DOK5: variants seen among roughly 807,000 people sequenced by gnomAD.
The protein encoded by DOK5 is downstream of tyrosine kinase 5.
DOK5 carries 27 observed loss-of-function variants against 43.3 expected under a neutral mutation model. The observed-to-expected ratio is 0.62, with a 90% CI of 0.46 to 0.86. The LOEUF is 0.86. Among genes scored for constraint, DOK5 ranks in the 40% least tolerant of loss-of-function variants. The pLI is 0.00. For synonymous variants in DOK5, 146 were observed against 140.1 expected, an observed-to-expected ratio of 1.04 and a Z score of -0.30; for missense variants, 373 against 392.9, an observed-to-expected ratio of 0.95 and a Z score of 0.43.
At chr20:54,608,836 G>A (rs1323511032) in intron 5 of DOK5, among the ~76,000 whole-genome samples, 5 of 151,794 alleles carry the variant, frequency 3.3e-5, no homozygotes. Flanking sequence ...ACCATGCCTG[G>A]CTAAGTTTTG....
intron 7 of DOK5, among the ~76,000 whole-genome samples, chr20:54,646,397 G>T (rs927310523): frequency 5.9e-5 from 9 of 151,796 alleles, no homozygotes; most frequent in African/African-American, 2.2e-4. Context: ...GGGACTACAG[G>T]TGTGTGCCAC....
intron 2 of DOK5, among the ~76,000 whole-genome samples, chr20:54,576,737 ATGTAC>A (rs1985465418): frequency 6.6e-6 from 1 of 152,210 alleles, no homozygotes. Context: ...ATGGTGCCAT[ATGTAC>A]CCACATAAAA....
intron 5 of DOK5, among the ~76,000 whole-genome samples, chr20:54,602,892 T>C (rs1986340821): frequency 6.6e-6 from 1 of 152,156 alleles, no homozygotes; most frequent in Non-Finnish European, 1.5e-5. Flanking sequence ...CAGGCAGTCT[T>C]GAAGTCCTGA....
intron 5 of DOK5, among the ~76,000 whole-genome samples, chr20:54,601,927 G>T (rs929438182): frequency 6.6e-6 from 1 of 152,186 alleles, no homozygotes; most frequent in African/African-American, 2.4e-5. Flanking sequence ...CATTCTCAAA[G>T]AAGAGGTTTA....
At chr20:54,637,821 T>C (rs1036886286) in intron 6 of DOK5, among the ~76,000 whole-genome samples, 1 of 152,188 alleles carries the variant, frequency 6.6e-6, no homozygotes, top group Non-Finnish European at 1.5e-5. Flanking sequence ...GATACAGAGA[T>C]AAAAGATAAT....
chr20:54,515,263 CT>C (rs1410419180), intron 1 of DOK5, among the ~76,000 whole-genome samples: 1 of 152,162 alleles, frequency 6.6e-6, no homozygotes, highest in Non-Finnish European at 1.5e-5. Flanking sequence ...TCCAACCCGC[CT>C]CGGCCTCCCA....
At chr20:54,506,619 C>G (rs1982814578) in intron 1 of DOK5, among the ~76,000 whole-genome samples, 2 of 152,150 alleles carry the variant, frequency 1.3e-5, no homozygotes, top group South Asian at 4.1e-4. Flanking sequence ...GCCACCACGC[C>G]TGGCTAATTT....
intron 6 of DOK5, among the ~76,000 whole-genome samples, chr20:54,643,192 G>A (rs376288062): frequency 8.5e-5 from 13 of 152,162 alleles, no homozygotes; most frequent in Non-Finnish European, 1.6e-4. Flanking sequence ...CAGCCCCACC[G>A]GGACTAGAGG....
At position 54,645,528 on chromosome 20, in the gene DOK5, C is replaced by T. The variant is rs200937341; in HGVS notation, c.856+1950C>T. On this transcript the variant is annotated intron_variant, in intron 7 of 7. Coordinates refer to ENST00000262593, the MANE Select transcript of DOK5 (RefSeq NM_018431.5). ...AGGCAGCTTTTCCTGTATGCTGCGC[C>T]CGTCCCTCATCCTAGTTAACTCCTG... 3.3e-5 allele frequency among the ~76,000 whole-genome samples: 5 copies of T among 152,158 alleles called. No individual in the cohort carries two copies. The East Asian group carries it at 9.7e-4, about 29-fold the overall frequency.
rs74275404 is a variant in DOK5, at chr20:54,575,949, A to G, written c.175-12534A>G. On this transcript the variant is annotated intron_variant, in intron 2 of 7. Coordinates refer to ENST00000262593, the MANE Select transcript of DOK5 (RefSeq NM_018431.5). ...AGGATACATTAGTGTTTGTTGCATCATTCTTTTAGTTTTTCCATATTTGAA... is the reference window on the plus strand; with the variant it reads ...AGGATACATTAGTGTTTGTTGCATCGTTCTTTTAGTTTTTCCATATTTGAA... Among the ~76,000 whole-genome samples the G allele has an allele frequency of 3.3e-3, 505 of 152,354 alleles. 10 individuals carry two copies. In the East Asian group the frequency reaches 0.06, roughly 18 times the overall value.
Position 54,591,598 on chromosome 20 carries a change from C to G in DOK5, c.410-18C>G, listed in dbSNP as rs770586654. 1 of 1,545,586 alleles carries G rather than the reference C, an allele frequency of 6.5e-7. No individual in the cohort carries two copies. Among genetic ancestry groups the G allele is most frequent in the Admixed American group, 1.9e-5 (1 of 52,436 alleles). ...TTATTCCTGGGGATTTTAGACTAACCTTTTGTTTTTCTCCCAGAGAGATTC... is the reference window on the plus strand; with the variant it reads ...TTATTCCTGGGGATTTTAGACTAACGTTTTGTTTTTCTCCCAGAGAGATTC... On this transcript the variant is annotated intron_variant, in intron 4 of 7. Transcript: ENST00000262593.
At chr20:54,530,602 C>A (rs1983736500) in intron 1 of DOK5, among the ~76,000 whole-genome samples, 1 of 152,148 alleles carries the variant, frequency 6.6e-6, no homozygotes, top group African/African-American at 2.4e-5. Context: ...ATCAGCCTAG[C>A]CTAATTTGGG....
chr20:54,607,908 AAAC>A (rs1986522820), intron 5 of DOK5, among the ~76,000 whole-genome samples: 1 of 151,154 alleles, frequency 6.6e-6, no homozygotes, highest in Non-Finnish European at 1.5e-5. Context: ...AAACAAAACA[AAAC>A]AAAACAAAAC....
chr20:54,646,544 CA>C (rs1421762917), intron 7 of DOK5, among the ~76,000 whole-genome samples: 2 of 152,112 alleles, frequency 1.3e-5, no homozygotes, highest in Non-Finnish European at 2.9e-5. Flanking sequence ...TCAGCCACTG[CA>C]CCCAGCTAGT....
chr20:54,513,209 G>T (rs547757683), intron 1 of DOK5, among the ~76,000 whole-genome samples: 1 of 152,128 alleles, frequency 6.6e-6, no homozygotes, highest in South Asian at 2.1e-4. Flanking sequence ...GGAACTATGG[G>T]CTAATAAGAC....
intron 6 of DOK5, among the ~76,000 whole-genome samples, chr20:54,619,023 T>TTA (rs11468808): frequency 0.025 from 1,081 of 42,928 alleles, 25 homozygotes; most frequent in Middle Eastern, 0.044. Context: ...TTTCAATAAA[T>TTA]TATATATATA....
intron 1 of DOK5, among the ~76,000 whole-genome samples, chr20:54,500,290 A>G (rs1277541899): frequency 6.6e-6 from 1 of 152,202 alleles, no homozygotes; most frequent in East Asian, 1.9e-4. Flanking sequence ...AATAACCAAG[A>G]TCATCACCAA....
chr20:54,600,238 C>T (rs1206079127), intron 5 of DOK5, among the ~76,000 whole-genome samples: 1 of 152,006 alleles, frequency 6.6e-6, no homozygotes, highest in East Asian at 1.9e-4. Context: ...CGGGGTCAGG[C>T]CATGTGGAGC....
At chr20:54,533,366 CTG>C (rs1269987899) in intron 1 of DOK5, among the ~76,000 whole-genome samples, 1 of 152,134 alleles carries the variant, frequency 6.6e-6, no homozygotes, top group Non-Finnish European at 1.5e-5. Flanking sequence ...ACCTATAGTC[CTG>C]TGTCATTGCT....
Sources: gnomAD v4.1 joint callset for allele counts (sites outside exome capture counted in the v4.1 genomes callset) on GRCh38, gnomAD v4.1.1 for gene constraint, MANE v1.5 for transcripts, NCBI Gene and HGNC (gene_info 2026-07-23, HGNC 2026-07-21) for gene names.